The following EHBP1 variants were observed in gnomAD, a reference collection of about 807,000 sequenced individuals.
The protein encoded by EHBP1 is EH domain binding protein 1, also known as EH domain-binding protein 1.
Under a neutral mutation model 144.0 loss-of-function variants are expected in EHBP1, and 55 were observed. That is an observed-to-expected ratio of 0.38 (90% CI 0.31 to 0.48). The LOEUF is 0.48. EHBP1 is among the 20% of genes least tolerant of loss of function. EHBP1 has a pLI of 0.98. For missense variants in EHBP1, 1,200 were observed against 1,364.2 expected (o/e 0.88, Z 1.90); for synonymous variants, 469 against 472.7 (o/e 0.99, Z 0.10).
intron 2 of EHBP1, among the ~76,000 whole-genome samples, chr2:62,729,392 ATT>A (rs1163870441): frequency 1.5e-4 from 18 of 119,938 alleles, no homozygotes; most frequent in African/African-American, 4.5e-4. Flanking sequence ...TATCATATTT[ATT>A]ATATATAATA....
intron 10 of EHBP1, among the ~76,000 whole-genome samples, chr2:62,915,547 T>A (rs867411771): frequency 6.6e-6 from 1 of 152,148 alleles, no homozygotes. Context: ...ATGTCACATG[T>A]ATAATTTTAC....
chr2:62,967,319 G>A (rs1488860878), intron 14 of EHBP1, among the ~76,000 whole-genome samples: 2 of 152,076 alleles, frequency 1.3e-5, no homozygotes, highest in Admixed American at 1.3e-4. Context: ...AAACACATAC[G>A]CACGACTTAG....
At chr2:62,826,016 A>C (rs2046318838) in intron 5 of EHBP1, 71 bp from the exon 6 acceptor site, 1 of 1,119,864 alleles carries the variant, frequency 8.9e-7, no homozygotes, top group Admixed American at 3.1e-5. Flanking sequence ...TTATTATTAA[A>C]ATCGTACTTT....
At chr2:62,811,100 A>G (rs2044964783) in intron 5 of EHBP1, among the ~76,000 whole-genome samples, 1 of 152,224 alleles carries the variant, frequency 6.6e-6, no homozygotes, top group South Asian at 2.1e-4. Flanking sequence ...TTATTCTAAA[A>G]TCAATATAAT....
intron 1 of EHBP1, among the ~76,000 whole-genome samples, chr2:62,679,367 T>G (rs1180769024): frequency 6.6e-6 from 1 of 152,204 alleles, no homozygotes; most frequent in African/African-American, 2.4e-5. Context: ...TAAAATCCGG[T>G]CGATTAGTTT....
At chr2:62,773,220 C>T (rs894822448) in intron 5 of EHBP1, among the ~76,000 whole-genome samples, 1 of 152,124 alleles carries the variant, frequency 6.6e-6, no homozygotes, top group Admixed American at 6.5e-5. Flanking sequence ...TGGGGTAGAT[C>T]TCCCTCTTCA....
intron 8 of EHBP1, among the ~76,000 whole-genome samples, chr2:62,861,758 AAAAG>A (rs1342335355): frequency 4.6e-4 from 70 of 151,978 alleles, no homozygotes; most frequent in African/African-American, 1.5e-3. Flanking sequence ...GAAAAAAAAA[AAAAG>A]AAAGAAAGTC....
chr2:62,860,938 C>A (rs1027926975), intron 8 of EHBP1, among the ~76,000 whole-genome samples: 2 of 151,734 alleles, frequency 1.3e-5, no homozygotes, highest in Non-Finnish European at 2.9e-5. Context: ...CTATTAGAGT[C>A]TTTAGAGTAA....
chr2:62,903,442 A>C lies in EHBP1; in HGVS notation c.1185+28910A>C, dbSNP rs528449651. Among the ~76,000 whole-genome samples, 11 of 152,282 alleles carry C rather than the reference A, an allele frequency of 7.2e-5. No homozygotes were observed. In the South Asian group the frequency reaches 2.3e-3, roughly 32 times the overall value. Reference sequence around the variant, plus strand: ...AGTGATTAAAAATAAATAATTAAAAATTTGGAATAAAGAAGAAAAACCTAA... The same window carrying C: ...AGTGATTAAAAATAAATAATTAAAACTTTGGAATAAAGAAGAAAAACCTAA... On this transcript the variant is annotated intron_variant, in intron 10 of 22. Coordinates refer to ENST00000431489, the MANE Select transcript of EHBP1 (RefSeq NM_001142616.3).
At chr2:63,014,677 T>C (rs772233088) in intron 19 of EHBP1, among the ~76,000 whole-genome samples, 8 of 152,212 alleles carry the variant, frequency 5.3e-5, no homozygotes, top group Non-Finnish European at 8.8e-5. Context: ...TACATTTTTA[T>C]ATATAAAGAT....
At chr2:63,000,141 C>G (rs1022243460) in intron 19 of EHBP1, among the ~76,000 whole-genome samples, 3 of 152,084 alleles carry the variant, frequency 2.0e-5, no homozygotes, top group Admixed American at 2.0e-4. Flanking sequence ...GATTGCTGGG[C>G]ATTTCTCCTG....
At chr2:62,830,151 T>G (rs375174168) in intron 6 of EHBP1, among the ~76,000 whole-genome samples, 10 of 64,808 alleles carry the variant, frequency 1.5e-4, no homozygotes, top group South Asian at 1.2e-3. Context: ...TATATATATA[T>G]AGACACACAC....
chr2:62,866,492 A>C (rs2050048171), intron 9 of EHBP1, among the ~76,000 whole-genome samples: 1 of 152,244 alleles, frequency 6.6e-6, no homozygotes, highest in African/African-American at 2.4e-5. Flanking sequence ...ACTTTTATAA[A>C]TATATTCCAG....
chr2:62,728,516 C>T (rs528027465), intron 2 of EHBP1, among the ~76,000 whole-genome samples: 1 of 152,332 alleles, frequency 6.6e-6, no homozygotes, highest in African/African-American at 2.4e-5. Context: ...ACAATATTTT[C>T]ATATGCTTAT....
intron 15 of EHBP1, 104 bp downstream of exon 15, chr2:62,979,439 A>G (rs1370361121): frequency 1.6e-6 from 2 of 1,275,446 alleles, no homozygotes; most frequent in Non-Finnish European, 2.1e-6. Flanking sequence ...CAAAAATATA[A>G]AGCTTCTAAC....
chr2:62,757,885 T>C (rs1001091962), intron 3 of EHBP1, among the ~76,000 whole-genome samples: 1 of 152,068 alleles, frequency 6.6e-6, no homozygotes, highest in African/African-American at 2.4e-5. Flanking sequence ...ATAGGACGCC[T>C]TCTGTAGTCC....
intron 14 of EHBP1, among the ~76,000 whole-genome samples, chr2:62,975,925 C>G (rs969105035): frequency 4.0e-5 from 6 of 149,484 alleles, no homozygotes; most frequent in African/African-American, 1.3e-4. Flanking sequence ...CACACACACA[C>G]ACACACACAC....
chr2:62,837,714 A>C (rs2047402561), intron 7 of EHBP1, among the ~76,000 whole-genome samples: 4 of 151,132 alleles, frequency 2.6e-5, no homozygotes, highest in Non-Finnish European at 5.9e-5. Flanking sequence ...AACAGACTTT[A>C]AACCAACAAA....
At chr2:62,760,720 C>T (rs1436206966) in intron 3 of EHBP1, among the ~76,000 whole-genome samples, 1 of 152,156 alleles carries the variant, frequency 6.6e-6, no homozygotes. Context: ...TCTTGACTAC[C>T]ATGCAAATCA....
Sources: gnomAD v4.1 joint callset for allele counts (sites outside exome capture counted in the v4.1 genomes callset) on GRCh38, gnomAD v4.1.1 for gene constraint, MANE v1.5 for transcripts, NCBI Gene and HGNC (gene_info 2026-07-23, HGNC 2026-07-21) for gene names.